Variants in PPP2R5C observed in about 807,000 individuals in gnomAD.
The protein encoded by PPP2R5C is protein phosphatase 2 regulatory subunit B'gamma.
PPP2R5C carries 7 observed loss-of-function variants against 68.9 expected under a neutral mutation model. The ratio of observed to expected loss-of-function variants is 0.10; its 90% CI spans 0.06 to 0.19. PPP2R5C has a LOEUF of 0.19. Ranked by LOEUF, PPP2R5C falls within the 10% of genes least tolerant of loss-of-function variation. The pLI is 1.00. For missense variants in PPP2R5C, 348 were observed against 641.3 expected (o/e 0.54, Z 4.94); for synonymous variants, 210 against 222.2 (o/e 0.95, Z 0.49).
chr14:101,831,410 A>C (rs1260309296), intron 1 of PPP2R5C, among the ~76,000 whole-genome samples: 1 of 152,230 alleles, frequency 6.6e-6, no homozygotes, highest in African/African-American at 2.4e-5. Flanking sequence ...TAGGAGGACT[A>C]GTTCAGCTTT....
intron 2 of PPP2R5C, among the ~76,000 whole-genome samples, chr14:101,773,805 C>T (rs2037274856): frequency 6.6e-6 from 1 of 152,150 alleles, no homozygotes. Flanking sequence ...AGCAATCCTC[C>T]CTCCTCAGCC....
chr14:101,827,958 C>CT (rs894044526), intron 1 of PPP2R5C, among the ~76,000 whole-genome samples: 10 of 151,882 alleles, frequency 6.6e-5, no homozygotes, highest in African/African-American at 1.9e-4. Context: ...TTTGTAGGAT[C>CT]TTTTTTTTAC....
intron 2 of PPP2R5C, among the ~76,000 whole-genome samples, chr14:101,871,527 A>G (rs1363142638): frequency 6.6e-6 from 1 of 152,028 alleles, no homozygotes. Flanking sequence ...ACAGGCGTGA[A>G]CCACTGTGCC....
intron 2 of PPP2R5C, among the ~76,000 whole-genome samples, chr14:101,776,963 C>CG (rs772895347): frequency 2.0e-5 from 3 of 151,204 alleles, no homozygotes. Context: ...TCACTGCAAC[C>CG]TCCACCTCCC....
chr14:101,848,015 C>T (rs543738178), intron 1 of PPP2R5C, among the ~76,000 whole-genome samples: 3 of 152,288 alleles, frequency 2.0e-5, no homozygotes, highest in African/African-American at 4.8e-5. Flanking sequence ...ATCCCAATTG[C>T]TCCCCACCCA....
intron 3 of PPP2R5C, chr14:101,803,311 G>A (rs533742231): frequency 6.6e-6 from 1 of 152,478 alleles, no homozygotes; most frequent in East Asian, 1.9e-4. Flanking sequence ...ATGCAAATTC[G>A]TGAAGCAGTT....
At chr14:101,763,081 GTT>G in intron 2 of PPP2R5C, 111 bp downstream of exon 2, 1 of 780,944 alleles carries the variant, frequency 1.3e-6, no homozygotes, top group Non-Finnish European at 1.9e-6. Flanking sequence ...CCTATGTGAG[GTT>G]TTTTTTTTGT....
At chr14:101,768,978 C>T (rs1406074869) in intron 2 of PPP2R5C, among the ~76,000 whole-genome samples, 3 of 152,112 alleles carry the variant, frequency 2.0e-5, no homozygotes, top group African/African-American at 7.2e-5. Context: ...GCGCCCGCCA[C>T]CACGCCCGGC....
upstream of PPP2R5C, among the ~76,000 whole-genome samples, chr14:101,805,521 C>G (rs995755145): frequency 6.6e-6 from 1 of 152,134 alleles, no homozygotes; most frequent in Non-Finnish European, 1.5e-5. Flanking sequence ...AAAAATAGAA[C>G]TGCCATATGA....
At chr14:101,764,876 C>T (rs2036771378) in intron 2 of PPP2R5C, among the ~76,000 whole-genome samples, 1 of 146,540 alleles carries the variant, frequency 6.8e-6, no homozygotes, top group Non-Finnish European at 1.5e-5. Flanking sequence ...AGCTTTCTTG[C>T]TAATGTGCCT....
chr14:101,922,209 C>T (rs2047044416), intron 13 of PPP2R5C: 10 of 984,266 alleles, frequency 1.0e-5, no homozygotes, highest in Non-Finnish European at 1.2e-5. Context: ...AGCTGGGAGG[C>T]CGGGCACAAT....
At chr14:101,870,643 T>C (rs1343334252) in intron 2 of PPP2R5C, among the ~76,000 whole-genome samples, 1 of 152,234 alleles carries the variant, frequency 6.6e-6, no homozygotes, top group Non-Finnish European at 1.5e-5. Flanking sequence ...TTATTTTACC[T>C]TTCCATATAA....
At chr14:101,905,170 A>G (rs2045952383) in intron 9 of PPP2R5C, among the ~76,000 whole-genome samples, 2 of 152,172 alleles carry the variant, frequency 1.3e-5, no homozygotes, top group Admixed American at 1.3e-4. Flanking sequence ...CCTGGCCAAC[A>G]TGGTGAAACC....
rs188906928 is a variant in PPP2R5C at position 101,864,462 on chromosome 14, C to G, written c.294+7577C>G. On this transcript the variant is annotated intron_variant, in intron 2 of 13. Coordinates refer to ENST00000334743, the Ensembl canonical transcript of PPP2R5C. The stretch of plus-strand genomic sequence containing the variant: ...AGTCTCTACCTATATGGCATCCACC[C>G]TTACTGGTCTGGGAGACAAGAAGAG... Among the ~76,000 whole-genome samples, 96 of 152,268 alleles carry G rather than the reference C, an allele frequency of 6.3e-4. 1 individual carries two copies. In the East Asian group the frequency reaches 0.016, roughly 26 times the overall value.
intron 5 of PPP2R5C, among the ~76,000 whole-genome samples, chr14:101,889,615 G>A (rs73358843): frequency 0.023 from 3,526 of 152,264 alleles, 140 homozygotes; most frequent in African/African-American, 0.081. Flanking sequence ...AGAAGCAGGC[G>A]CAGTGGACAG....
rs2047063950 is a variant in PPP2R5C at position 101,922,481 on chromosome 14, TC to T, written c.1444-2659del. Among the ~76,000 whole-genome samples, 9 of 102,068 alleles carry T rather than the reference TC, an allele frequency of 8.8e-5. No individual in the cohort carries two copies. In the East Asian group the frequency reaches 3.2e-3, roughly 37 times the overall value. The allele number at this position is 102,068 out of a possible 152,430, so 67.0% of individuals were successfully genotyped here. ...TCCAGCCTGGGTGACAGAGCGAGAC[TC>T]TGTGTCAAAAATAAATATAAAATAA... On this transcript the variant is annotated intron_variant, in intron 13 of 13. Transcript: ENST00000334743.
At chr14:101,820,806 G>A (rs974615997) in intron 1 of PPP2R5C, 8 of 152,036 alleles carry the variant, frequency 5.3e-5, no homozygotes, top group Non-Finnish European at 1.0e-4. Context: ...TGAAAATAAG[G>A]TTATTTTCAT....
At chr14:101,925,182 C>G in exon 14 of PPP2R5C, 1 of 1,614,152 alleles carries the variant, frequency 6.2e-7, no homozygotes, top group Non-Finnish European at 8.5e-7. Flanking sequence ...TTGCACGCCG[C>G]AAGTCCGAGC....
intron 2 of PPP2R5C, among the ~76,000 whole-genome samples, chr14:101,865,226 C>T (rs1338343000): frequency 2.6e-5 from 4 of 152,218 alleles, no homozygotes; most frequent in South Asian, 4.1e-4. Context: ...GTTGTTTACA[C>T]TCACAAGGGA....
Sources: allele counts gnomAD v4.1 joint callset (sites outside exome capture counted in the v4.1 genomes callset), GRCh38; gene constraint gnomAD v4.1.1; transcripts MANE v1.5; gene names NCBI Gene and HGNC (gene_info 2026-07-23, HGNC 2026-07-21).